Variants in LTBP3 observed in about 807,000 individuals in gnomAD.
LTBP3 encodes latent transforming growth factor beta binding protein 3.
Under a neutral mutation model 159.7 loss-of-function variants are expected in LTBP3, and 97 were observed. The observed-to-expected ratio is 0.61, with a 90% CI of 0.52 to 0.72. The LOEUF (loss-of-function observed/expected upper bound fraction) is 0.72. LTBP3 is among the 30% of genes least tolerant of loss of function. The probability of loss-of-function intolerance (pLI) is 0.00; values close to 1 mark genes in which losing one functional copy is unlikely to be tolerated. For missense variants in LTBP3, 1,584 were observed against 1,864.3 expected, an observed-to-expected ratio of 0.85 and a Z score of 2.77; for synonymous variants, 824 against 777.1, an observed-to-expected ratio of 1.06 and a Z score of -1.00.
chr11:65,542,840 T>C, intron 18 of LTBP3: 1 of 482,900 alleles, frequency 2.1e-6, no homozygotes, highest in Admixed American at 3.1e-5. Flanking sequence ...ATGTTTACTG[T>C]GATCATTGTT....
At chr11:65,557,540 C>T in intron 1 of LTBP3, 89 bp downstream of exon 1, 2 of 1,569,456 alleles carry the variant, frequency 1.3e-6, no homozygotes, top group Non-Finnish European at 1.7e-6. Flanking sequence ...CCCTCAGCCC[C>T]CAGTCTCTAA....
At position 65,541,250 on chromosome 11, in the gene LTBP3, G is replaced by C. The variant is rs1856123904; in HGVS notation, c.2769C>G (p.Phe923Leu). 1.2e-6 allele frequency: 2 copies of C among 1,613,398 alleles called. No individual in the cohort carries two copies. The highest frequency in any genetic ancestry group is 1.3e-5 in the African/African-American group (1 of 74,884). The change falls in exon 20 of 28, where the codon TTC becomes TTG. Residue 923 changes from phenylalanine to leucine, a missense_variant. Transcript: ENST00000301873. ...CGCTGTCGCAGAACACTGTGTCATC[G>C]AAGTTCAGGTAGCACTCCTTCTTGT... ...PHHKKECYLN[F>L]DDTVFCDSVL...
chr11:65,556,974 G>A (rs541720515), intron 1 of LTBP3, among the ~76,000 whole-genome samples: 2 of 152,180 alleles, frequency 1.3e-5, no homozygotes, highest in East Asian at 1.9e-4. Context: ...GCTTGGGGGA[G>A]GATGAGGGGG....
At chr11:65,556,528 C>CA (rs1239275943) in intron 1 of LTBP3, among the ~76,000 whole-genome samples, 1 of 152,162 alleles carries the variant, frequency 6.6e-6, no homozygotes, top group Admixed American at 6.5e-5. Flanking sequence ...AACTCCATCT[C>CA]AAAAACACAA....
Position 65,557,867 on chromosome 11 carries a change from CA to C in LTBP3, c.92del (p.Leu31ArgfsTer39). On this transcript the variant is annotated frameshift_variant, in exon 1 of 28. Coordinates refer to ENST00000301873, the MANE Select transcript of LTBP3 (RefSeq NM_001130144.3). LOFTEE classifies it high-confidence loss of function. ...TGCCGCCCAGGCCCAGCAGCAGCAG[CA>C]GCAGCAGCAGCAGCAGCGCCAGCAG... ...AGLLALLLLL[L>X]LLLLGLGGRV... is the part of the protein sequence containing the mutation. The C allele has an allele frequency of 7.6e-7, 1 of 1,320,008 alleles. No individual in the cohort carries two copies. Among genetic ancestry groups the C allele is most frequent in the South Asian group, 1.9e-5 (1 of 51,918 alleles). 81.8% of individuals were successfully genotyped at this position (1,320,008 alleles called of 1,614,324 possible).
At chr11:65,555,420 C>CG (rs1856773657) in intron 1 of LTBP3, among the ~76,000 whole-genome samples, 1 of 152,168 alleles carries the variant, frequency 6.6e-6, no homozygotes, top group Admixed American at 6.5e-5. Context: ...CAGGTCCCCC[C>CG]CCTCTCTATA....
In LTBP3 at chr11:65,551,120, C is replaced by T; in HGVS notation, c.1720+6G>A. 1 of 1,551,670 alleles carries T rather than the reference C, an allele frequency of 6.4e-7. No individual in the cohort carries two copies. The highest frequency in any genetic ancestry group is 8.7e-7 in the Non-Finnish European group (1 of 1,147,790). On this transcript the variant is annotated splice_donor_region_variant and intron_variant, in intron 11 of 27. Coordinates refer to ENST00000301873, the MANE Select transcript of LTBP3 (RefSeq NM_001130144.3). ...GGCAGGGGTGGCTTTGCTGGGCGGGCCTTACCTGTGACCTGAGTGGGAGCG... is the reference window on the plus strand; with the variant it reads ...GGCAGGGGTGGCTTTGCTGGGCGGGTCTTACCTGTGACCTGAGTGGGAGCG...
At chr11:65,557,261 G>A (rs1175189161) in intron 1 of LTBP3, among the ~76,000 whole-genome samples, 2 of 152,016 alleles carry the variant, frequency 1.3e-5, no homozygotes, top group African/African-American at 2.4e-5. Flanking sequence ...TGCTTCTTGC[G>A]GGAATATTTA....
At chr11:65,541,435 G>C in intron 19 of LTBP3, 142 bp from the exon 20 acceptor site, 1 of 1,407,034 alleles carries the variant, frequency 7.1e-7, no homozygotes, top group South Asian at 1.2e-5. Context: ...TCTCAACGTG[G>C]TGTTCTGGAC....
In LTBP3 at chr11:65,546,618, C is replaced by G. The variant is rs1343667198; in HGVS notation, c.2231-54G>C. The G allele has an allele frequency of 1.9e-6, 3 of 1,596,124 alleles. No homozygotes were observed. Among genetic ancestry groups the G allele is most frequent in the African/African-American group, 2.7e-5 (2 of 74,840 alleles). ...CTGCCCCACCGGAAGGCGGACCGCG[C>G]ACCTCGCGGGGGTGTGGGTCTCTTC... On this transcript the variant is annotated intron_variant, in intron 15 of 27. Transcript: ENST00000301873. This position sits in a 1 kb window ranked among gnomAD's most constrained non-coding sequence, Gnocchi z 4.0.
In LTBP3 at chr11:65,539,083, G is replaced by C. The variant is rs930850556; in HGVS notation, c.3909C>G (p.Arg1303=). The change falls in exon 28 of 28, where the codon CGC becomes CGG. Residue 1303 remains arginine, a synonymous_variant. Transcript: ENST00000301873. ...GCCGAGGGCGGCGTCGGCGGCGTCA[G>C]CGGCGGCGCTGGGGAACGCAGGCCC... is the stretch of plus-strand genomic sequence containing the variant. ...PHGACVPQRR[R] 7.2e-7 allele frequency: 1 copy of C among 1,398,476 alleles called. No individual in the cohort carries two copies. 86.6% of individuals were successfully genotyped at this position (1,398,476 alleles called of 1,614,324 possible).
At chr11:65,541,756 A>T (rs1856148031) in intron 18 of LTBP3, 28 bp from the exon 19 acceptor site, 1 of 1,613,498 alleles carries the variant, frequency 6.2e-7, no homozygotes, top group South Asian at 1.1e-5. Flanking sequence ...CGCAGCTGGA[A>T]ACCCAGCCCC....
chr11:65,545,490 G>A, intron 16 of LTBP3: 1 of 232,160 alleles, frequency 4.3e-6, no homozygotes, highest in African/African-American at 2.2e-5. Context: ...CCCATTCCCA[G>A]TGAGCAGCAC....
rs1173792119 is a variant in LTBP3 at position 65,554,744 on chromosome 11, C to G, written c.332-364G>C. On this transcript the variant is annotated intron_variant, in intron 1 of 27. Transcript: ENST00000301873. The surrounding 1 kb of genome is among the most constrained non-coding windows in gnomAD (Gnocchi z 5.3). ...ACAAAGGGTGCTTAATAAGTGGTAG[C>G]AAATAATTATGGTGATCTGGCTTTC... is the stretch of plus-strand genomic sequence containing the variant. 6.6e-6 allele frequency among the ~76,000 whole-genome samples: 1 copy of G among 152,042 alleles called. No individual in the cohort carries two copies. The highest frequency in any genetic ancestry group is 1.5e-5 in the Non-Finnish European group (1 of 67,988).
In LTBP3 at chr11:65,540,595, C is replaced by A. The variant is rs1284815329; in HGVS notation, c.2997G>T (p.Leu999Phe). The A allele has an allele frequency of 2.5e-6, 4 of 1,613,068 alleles. No individual in the cohort carries two copies. The highest frequency in any genetic ancestry group is 2.5e-6 in the Non-Finnish European group (3 of 1,179,604). The change falls in exon 22 of 28, where the codon TTG becomes TTT. Residue 999 changes from leucine (L) to phenylalanine (F), a missense_variant. This residue lies in a region of LTBP3 where 514 missense variants were observed against 530.3 expected (regional missense o/e 0.97). Coordinates refer to ENST00000301873, the MANE Select transcript of LTBP3 (RefSeq NM_001130144.3). The part of the protein sequence containing the change: ...PAHRDIDECM[L>F]FGSEICKEGK... ...CCTCCTTGCAAATCTCCGACCCGAA[C>A]AACATGCACTCGTCGATGTCTGCGG...
Position 65,547,779 on chromosome 11 carries a change from C to T in LTBP3, c.1889G>A (p.Gly630Asp), listed in dbSNP as rs1485564516. 6 of 1,612,486 alleles carry T rather than the reference C, an allele frequency of 3.7e-6. No individual in the cohort carries two copies. Among genetic ancestry groups the T allele is most frequent in the African/African-American group, 1.3e-5 (1 of 75,002 alleles). The change falls in exon 13 of 28, where the codon GGC becomes GAC. Residue 630 changes from glycine to aspartate, a missense_variant. This residue lies in a region of LTBP3 where 565 missense variants were observed against 677.7 expected (regional missense o/e 0.83). Transcript: ENST00000301873. The surrounding 1 kb of genome is among the most constrained non-coding windows in gnomAD (Gnocchi z 4.6). ...GGAGCCGCCGGTGTTCATGCAGATG[C>T]CCCTCCCCGGGCCACAGGGCTCTGC... The part of the protein sequence containing the change: ...CEAEPCGPGR[G>D]ICMNTGGSYN...
Position 65,540,591 on chromosome 11 carries a change from C to T in LTBP3, c.3001G>A (p.Gly1001Arg). Residue 1001 changes from glycine to arginine, a missense_variant, in exon 22 of 28, where the codon GGG becomes AGG. By Grantham distance (125) the Gly-to-Arg change is moderately radical. This residue lies in a region of LTBP3 where 514 missense variants were observed against 530.3 expected (regional missense o/e 0.97). Transcript: ENST00000301873. ...HRDIDECMLFGSEICKEGKCV... is the reference protein window; with the variant it reads ...HRDIDECMLFRSEICKEGKCV... ...TTGCCCTCCTTGCAAATCTCCGACC[C>T]GAACAACATGCACTCGTCGATGTCT... 1.9e-6 allele frequency: 3 copies of T among 1,613,312 alleles called. 1 individual carries two copies. The highest frequency in any genetic ancestry group is 3.3e-4 in the Middle Eastern group (2 of 6,058).
At chr11:65,540,716 C>CAGGAGGGGCGGGGCCTA in intron 21 of LTBP3, 102 bp from the exon 22 acceptor site, 1 of 1,573,976 alleles carries the variant, frequency 6.4e-7, no homozygotes. Context: ...GCGGGGCCTA[C>CAGGAGGGGCGGGGCCTA]AGGAGGGGCG....
intron 16 of LTBP3, chr11:65,544,824 CTCTCCTGACCCTGCTGCCCTCG>C (rs893998635): frequency 6.5e-6 from 1 of 153,122 alleles, no homozygotes; most frequent in African/African-American, 2.4e-5. Context: ...CTCCTCCCTC[CTCTCCTGACCCTGCTGCCCTCG>C]TCTCCTGGTC....
Sources: gnomAD v4.1 joint callset for allele counts (sites outside exome capture counted in the v4.1 genomes callset) on GRCh38, gnomAD v4.1.1 for gene constraint, gnomAD v4.1.1 regional missense constraint, Gnocchi (gnomAD v3.1) non-coding constraint, MANE v1.5 for transcripts, NCBI Gene and HGNC (gene_info 2026-07-23, HGNC 2026-07-21) for gene names.